RBL2: variants seen among roughly 807,000 people sequenced by gnomAD.
The protein encoded by RBL2 is retinoblastoma-like protein 2.
RBL2 carries 56 observed loss-of-function variants against 126.0 expected under a neutral mutation model. That is an observed-to-expected ratio of 0.44 (90% CI 0.36 to 0.56). RBL2 has a LOEUF of 0.56. RBL2 is among the 20% of genes least tolerant of loss of function. The probability of loss-of-function intolerance (pLI) is 0.00; values close to 1 mark genes in which losing one functional copy is unlikely to be tolerated. For synonymous variants in RBL2, 454 were observed against 478.5 expected (o/e 0.95, Z 0.67); for missense variants, 1,229 against 1,398.2 (o/e 0.88, Z 1.93).
chr16:53,473,329 T>C (rs1265376704), intron 17 of RBL2, among the ~76,000 whole-genome samples: 1 of 151,532 alleles, frequency 6.6e-6, no homozygotes, highest in Admixed American at 6.6e-5. Flanking sequence ...ACATAGGATG[T>C]TTTTCCATTT....
intron 21 of RBL2, among the ~76,000 whole-genome samples, chr16:53,482,956 T>G (rs545531336): frequency 1.3e-4 from 20 of 152,290 alleles, no homozygotes; most frequent in Admixed American, 9.2e-4. Flanking sequence ...CAATGCATGA[T>G]TTTTGATCCT....
At chr16:53,475,573 A>G (rs1960696725) in intron 17 of RBL2, among the ~76,000 whole-genome samples, 1 of 151,398 alleles carries the variant, frequency 6.6e-6, no homozygotes, top group Admixed American at 6.6e-5. Flanking sequence ...AGGTTTGTCA[A>G]TTTTCTTGAT....
At chr16:53,478,393 AT>A (rs1052255766) in intron 17 of RBL2, among the ~76,000 whole-genome samples, 11 of 151,840 alleles carry the variant, frequency 7.2e-5, no homozygotes, top group Non-Finnish European at 2.9e-5. Flanking sequence ...TTCTTTGAAC[AT>A]TTTTTTCTGC....
intron 21 of RBL2, chr16:53,488,809 G>A (rs776049745): frequency 1.3e-5 from 2 of 152,192 alleles, no homozygotes; most frequent in Non-Finnish European, 2.9e-5. Flanking sequence ...AGTAAACAGT[G>A]TAAGAAATAT....
At chr16:53,463,325 G>GT (rs1040825661) in intron 11 of RBL2, among the ~76,000 whole-genome samples, 1 of 151,862 alleles carries the variant, frequency 6.6e-6, no homozygotes, top group South Asian at 2.1e-4. Flanking sequence ...CTGCCTTTCT[G>GT]TTTTTTTGGG....
At chr16:53,450,506 T>TA (rs1003276516) in intron 4 of RBL2, among the ~76,000 whole-genome samples, 2 of 152,174 alleles carry the variant, frequency 1.3e-5, no homozygotes, top group Non-Finnish European at 2.9e-5. Context: ...AGTGTTTAAC[T>TA]AAAAAAGGAT....
intron 4 of RBL2, among the ~76,000 whole-genome samples, chr16:53,450,084 G>A (rs528731439): frequency 6.6e-6 from 1 of 151,214 alleles, no homozygotes; most frequent in South Asian, 2.1e-4. Context: ...TTACACATGA[G>A]GAACCAAGTA....
chr16:53,439,220 T>C (rs1164025816), intron 2 of RBL2, 74 bp downstream of exon 2: 2 of 1,292,118 alleles, frequency 1.5e-6, no homozygotes, highest in Non-Finnish European at 1.0e-6. Flanking sequence ...GTAAGAATTA[T>C]CTCTGTTTAT....
chr16:53,449,919 A>G (rs2058098230), intron 4 of RBL2, among the ~76,000 whole-genome samples: 1 of 146,106 alleles, frequency 6.8e-6, no homozygotes, highest in African/African-American at 2.5e-5. Context: ...TCTGATCTTT[A>G]GGGGCATTTC....
chr16:53,466,759 C>G (rs2058276280), intron 13 of RBL2: 1 of 237,650 alleles, frequency 4.2e-6, no homozygotes. Context: ...CTATGTTGCC[C>G]AGTTCCTAAC....
Position 53,434,622 on chromosome 16 carries a change from T to G in RBL2, c.66T>G (p.Asp22Glu). The G allele has an allele frequency of 6.4e-7, 1 of 1,558,216 alleles. No homozygotes were observed. The highest frequency in any genetic ancestry group is 1.4e-5 in the African/African-American group (1 of 72,016). The change falls in exon 1 of 22, where the codon GAT becomes GAG. Residue 22 changes from aspartate to glutamate, a missense_variant. By Grantham distance (45) the Asp-to-Glu change is conservative. Coordinates refer to ENST00000262133, the MANE Select transcript of RBL2 (RefSeq NM_005611.4). ...PPPPPAAAAS[D>E]EEEEDDGEAE... The stretch of plus-strand genomic sequence containing the variant: ...CCCCTCCGGCGGCGGCAGCCTCGGA[T>G]GAGGAGGAGGAGGACGACGGCGAGG...
rs776158352 is a variant in RBL2 at position 53,459,480 on chromosome 16, A to T, written c.1209A>T (p.Leu403=). Residue 403 remains leucine (L), a synonymous_variant, in exon 9 of 22, where the codon CTA becomes CTT. Coordinates refer to ENST00000262133, the MANE Select transcript of RBL2 (RefSeq NM_005611.4). ...AAGCACTTAGAATCTCCACACCACT[A>T]ACTGGTGTTAGGTACATTAAGGAGA... The part of the protein sequence containing the change: ...KSKALRISTP[L]TGVRYIKENS... 6.2e-7 allele frequency: 1 copy of T among 1,613,284 alleles called. No homozygotes were observed. Among genetic ancestry groups the T allele is most frequent in the South Asian group, 1.1e-5 (1 of 90,874 alleles).
chr16:53,483,515 G>GGGACAAGAGCAAGACTCCGTCTC, intron 21 of RBL2, among the ~76,000 whole-genome samples: 1 of 152,128 alleles, frequency 6.6e-6, no homozygotes, highest in South Asian at 2.1e-4. Context: ...TCCAGCCTGG[G>GGGACAAGAGCAAGACTCCGTCTC]CAATAAAGTG....
Position 53,434,542 on chromosome 16 carries a change from G to T in RBL2, c.-15G>T. ...CCCTCACCTCACCTGAGGTCCGGCC[G>T]CCCAGGGGTGCGCTATGCCGTCGGG... On this transcript the variant is annotated 5_prime_UTR_variant, in exon 1 of 22. Transcript: ENST00000262133. The T allele has an allele frequency of 3.4e-6, 5 of 1,455,600 alleles. No individual in the cohort carries two copies. In the South Asian group the frequency reaches 4.1e-5, roughly 12 times the overall value. The allele number at this position is 1,455,600 out of a possible 1,614,324, so 90.2% of individuals were successfully genotyped here.
At chr16:53,446,986 A>AT (rs993775353) in intron 3 of RBL2, 56 bp from the exon 4 acceptor site, 1,168 of 1,031,584 alleles carry the variant, frequency 1.1e-3, no homozygotes, top group South Asian at 1.8e-3. Context: ...ATCATTTGGG[A>AT]TTTTTTTTTC....
chr16:53,463,202 G>A (rs1351352648), intron 11 of RBL2, among the ~76,000 whole-genome samples: 1 of 152,174 alleles, frequency 6.6e-6, no homozygotes, highest in Non-Finnish European at 1.5e-5. Context: ...TATTGACAAT[G>A]TTGGAAAATT....
At position 53,490,439 on chromosome 16, in the gene RBL2, A is replaced by G; in HGVS notation, c.*139A>G. 1.6e-6 allele frequency: 1 copy of G among 632,574 alleles called. No individual in the cohort carries two copies. The highest frequency in any genetic ancestry group is 2.5e-6 in the Non-Finnish European group (1 of 405,136). The allele number at this position is 632,574 out of a possible 1,614,324, so 39.2% of individuals were successfully genotyped here. A position where few individuals can be genotyped will look rare whatever the true frequency, so the allele number is the denominator to read the frequency against. On this transcript the variant is annotated 3_prime_UTR_variant, in exon 22 of 22. Coordinates refer to ENST00000262133, the MANE Select transcript of RBL2 (RefSeq NM_005611.4). ...AACATGAGGGGACATTTTGGTGAGAAATGGGACTTAACTCCTTCCAGTGTC... is the reference window on the plus strand; with the variant it reads ...AACATGAGGGGACATTTTGGTGAGAGATGGGACTTAACTCCTTCCAGTGTC...
At chr16:53,444,584 T>TAAATAAAAC (rs1340002569) in intron 3 of RBL2, among the ~76,000 whole-genome samples, 3 of 142,898 alleles carry the variant, frequency 2.1e-5, no homozygotes, top group African/African-American at 8.2e-5. Context: ...ATAAATAAAA[T>TAAATAAAAC]GACATATTCT....
chr16:53,469,794 T>C lies in RBL2; in HGVS notation c.1976-122T>C, dbSNP rs1475797892. ...AAGATATGACTTCTGTAATTCTTGT[T>C]TGCTTTTTGAATTATGAAGTATTTC... On this transcript the variant is annotated intron_variant, in intron 14 of 21. Transcript: ENST00000262133. 16 of 1,180,398 alleles carry C rather than the reference T, an allele frequency of 1.4e-5. No homozygotes were observed. In the East Asian group the frequency reaches 3.9e-4, roughly 29 times the overall value. The allele number at this position is 1,180,398 out of a possible 1,614,324, so 73.1% of individuals were successfully genotyped here.
Sources: gnomAD v4.1 joint callset for allele counts (sites outside exome capture counted in the v4.1 genomes callset) on GRCh38, gnomAD v4.1.1 for gene constraint, MANE v1.5 for transcripts, NCBI Gene and HGNC (gene_info 2026-07-23, HGNC 2026-07-21) for gene names.